TTC28: variants seen among roughly 807,000 people sequenced by gnomAD.
TTC28 encodes tetratricopeptide repeat domain 28.
In TTC28, 61 loss-of-function variants were observed where a neutral mutation model predicts 198.0. The ratio of observed to expected loss-of-function variants is 0.31; its 90% CI spans 0.25 to 0.38. The LOEUF is 0.38. Among genes scored for constraint, TTC28 ranks in the 10% least tolerant of loss-of-function variants. TTC28 has a pLI of 1.00. For synonymous variants in TTC28, 1,171 were observed against 1,297.8 expected (o/e 0.90, Z 2.10); for missense variants, 2,678 against 3,164.0 (o/e 0.85, Z 3.69).
chr22:28,641,539 C>A (rs938603032), intron 1 of TTC28, among the ~76,000 whole-genome samples: 5 of 152,080 alleles, frequency 3.3e-5, no homozygotes, highest in Non-Finnish European at 7.4e-5. Context: ...CTCTTAATGG[C>A]ACCAGATTTC....
At chr22:28,524,913 A>G (rs1357037059) in intron 2 of TTC28, among the ~76,000 whole-genome samples, 1 of 152,208 alleles carries the variant, frequency 6.6e-6, no homozygotes, top group African/African-American at 2.4e-5. Flanking sequence ...TTCTAATTCT[A>G]GGTAAGAAAT....
rs1173103889 is a variant in TTC28, at chr22:28,353,550, C to T, written c.382-46907G>A. On this transcript the variant is annotated intron_variant, in intron 2 of 22. Transcript: ENST00000397906. Reference sequence around the variant, plus strand: ...CCAGAAATAAAGCCACACATATGGTCGACTGATCGCTAAATTTTCAACAAG... The same window carrying T: ...CCAGAAATAAAGCCACACATATGGTTGACTGATCGCTAAATTTTCAACAAG... Among the ~76,000 whole-genome samples the T allele has an allele frequency of 3.9e-5, 6 of 152,070 alleles. No individual in the cohort carries two copies. In the South Asian group the frequency reaches 6.2e-4, roughly 16 times the overall value.
intron 2 of TTC28, among the ~76,000 whole-genome samples, chr22:28,372,308 T>C (rs939989951): frequency 6.6e-6 from 1 of 152,218 alleles, no homozygotes; most frequent in Non-Finnish European, 1.5e-5. Flanking sequence ...TCATTTCAAA[T>C]ACAGAGTAAA....
intron 17 of TTC28, 51 bp downstream of exon 17, chr22:27,996,079 CCTTCT>C: frequency 6.6e-7 from 1 of 1,517,254 alleles, no homozygotes; most frequent in Non-Finnish European, 8.8e-7. Flanking sequence ...CTTGCCTTCC[CCTTCT>C]CTCACAGCAC....
At chr22:28,030,893 A>T (rs1029570663) in intron 12 of TTC28, among the ~76,000 whole-genome samples, 1 of 152,242 alleles carries the variant, frequency 6.6e-6, no homozygotes, top group African/African-American at 2.4e-5. Flanking sequence ...GGAGACAAAC[A>T]TGCTGACAAG....
intron 2 of TTC28, among the ~76,000 whole-genome samples, chr22:28,393,434 G>A (rs2046766683): frequency 1.3e-5 from 2 of 152,176 alleles, no homozygotes; most frequent in South Asian, 4.1e-4. Flanking sequence ...GCTCGTGCCT[G>A]TAATCCCGGC....
At chr22:28,156,426 G>A (rs1943750038) in intron 6 of TTC28, among the ~76,000 whole-genome samples, 1 of 152,208 alleles carries the variant, frequency 6.6e-6, no homozygotes, top group Non-Finnish European at 1.5e-5. Flanking sequence ...TCAATATCTT[G>A]ACTTTAGCCC....
rs1462793794 is a variant in TTC28 at position 28,005,599 on chromosome 22, G to A, written c.4219-4046C>T. On this transcript the variant is annotated intron_variant, in intron 14 of 22. Coordinates refer to ENST00000397906, the MANE Select transcript of TTC28 (RefSeq NM_001145418.2). This position sits in a 1 kb window ranked among gnomAD's most constrained non-coding sequence, Gnocchi z 4.9. ...CTGGCCTGGGTCAGTGGTGGGTGAG[G>A]ACATCCAGAGGGGCCTGCCCAGCCA... Among the ~76,000 whole-genome samples the A allele has an allele frequency of 6.6e-6, 1 of 152,172 alleles. No individual in the cohort carries two copies. Among genetic ancestry groups the A allele is most frequent in the African/African-American group, 2.4e-5 (1 of 41,446 alleles).
intron 5 of TTC28, among the ~76,000 whole-genome samples, chr22:28,249,261 A>T (rs1403431048): frequency 6.6e-6 from 1 of 152,074 alleles, no homozygotes; most frequent in Non-Finnish European, 1.5e-5. Context: ...TATCTGCCCC[A>T]CTGGGTAGCT....
intron 2 of TTC28, among the ~76,000 whole-genome samples, chr22:28,389,274 G>A (rs2046672834): frequency 6.6e-6 from 1 of 152,110 alleles, no homozygotes. Context: ...TTGCATCGAT[G>A]TTCATCAAGG....
chr22:28,368,013 T>A (rs1307182973), intron 2 of TTC28, among the ~76,000 whole-genome samples: 1 of 151,994 alleles, frequency 6.6e-6, no homozygotes, highest in East Asian at 1.9e-4. Context: ...CAAATCAAAC[T>A]GTTCCTAAAA....
intron 11 of TTC28, 54 bp downstream of exon 11, chr22:28,096,136 A>C: frequency 1.4e-6 from 2 of 1,471,878 alleles, no homozygotes; most frequent in Non-Finnish European, 1.8e-6. Context: ...TATTCATTAG[A>C]CTTTCACAGG....
chr22:28,352,232 T>C (rs2046007420), intron 2 of TTC28, among the ~76,000 whole-genome samples: 1 of 151,806 alleles, frequency 6.6e-6, no homozygotes, highest in Non-Finnish European at 1.5e-5. Flanking sequence ...ATACCAACTA[T>C]GTGCAAAGTA....
chr22:28,166,259 G>C (rs1255171291), intron 5 of TTC28, among the ~76,000 whole-genome samples: 1 of 152,182 alleles, frequency 6.6e-6, no homozygotes, highest in Non-Finnish European at 1.5e-5. Context: ...ACATTAGACA[G>C]ATCAACGAGA....
In TTC28 at chr22:28,432,530, T is replaced by C. The variant is rs6005782; in HGVS notation, c.382-125887A>G. Among the ~76,000 whole-genome samples, 1,275 of 152,272 alleles carry C rather than the reference T, an allele frequency of 8.4e-3. 20 individuals carry two copies. The highest frequency in any genetic ancestry group is 0.028 in the African/African-American group (1,176 of 41,568). ...CATTTACAGTTATTTACTGGAAATA[T>C]TGGTTCTATAATAGCCCAGTTCTTC... On this transcript the variant is annotated intron_variant, in intron 2 of 22. Transcript: ENST00000397906.
chr22:28,160,516 T>C (rs1192699424), intron 6 of TTC28, among the ~76,000 whole-genome samples: 1 of 152,040 alleles, frequency 6.6e-6, no homozygotes, highest in African/African-American at 2.4e-5. Flanking sequence ...AATAATGAGA[T>C]ACAGGGAAGC....
chr22:28,203,124 A>G (rs933947949), intron 5 of TTC28, among the ~76,000 whole-genome samples: 1 of 152,168 alleles, frequency 6.6e-6, no homozygotes, highest in Non-Finnish European at 1.5e-5. Flanking sequence ...TGCGCATATT[A>G]AATTTTTTTA....
intron 2 of TTC28, among the ~76,000 whole-genome samples, chr22:28,469,318 G>A (rs16986469): frequency 0.035 from 5,394 of 152,270 alleles, 153 homozygotes; most frequent in African/African-American, 0.069. Flanking sequence ...TCAGAAAAAG[G>A]GAGAACCACG....
chr22:28,426,546 T>G (rs2047353127), intron 2 of TTC28, among the ~76,000 whole-genome samples: 1 of 152,142 alleles, frequency 6.6e-6, no homozygotes, highest in African/African-American at 2.4e-5. Context: ...CTGTACAGCT[T>G]CCCAAGTTTC....
Sources: allele counts gnomAD v4.1 joint callset (sites outside exome capture counted in the v4.1 genomes callset), GRCh38; gene constraint gnomAD v4.1.1; non-coding constraint Gnocchi (gnomAD v3.1); transcripts MANE v1.5; gene names NCBI Gene and HGNC (gene_info 2026-07-23, HGNC 2026-07-21).